Variants in PRDM5 observed in about 807,000 individuals in gnomAD.
The protein encoded by PRDM5 is PR/SET domain 5.
In PRDM5, 56 loss-of-function variants were observed where a neutral mutation model predicts 81.2. The observed-to-expected ratio is 0.69, with a 90% CI of 0.56 to 0.86. PRDM5 has a LOEUF of 0.86. Among genes scored for constraint, PRDM5 ranks in the 40% least tolerant of loss-of-function variants. PRDM5 has a pLI of 0.00. For synonymous variants in PRDM5, 267 were observed against 256.4 expected (o/e 1.04, Z -0.39); for missense variants, 697 against 770.1 (o/e 0.91, Z 1.12).
At chr4:120,688,677 T>C (rs994639276), downstream of PRDM5, among the ~76,000 whole-genome samples, 4 of 152,322 alleles carry the variant, frequency 2.6e-5, no homozygotes, top group East Asian at 5.8e-4. Flanking sequence ...CAACTTCTTT[T>C]TTTACATGTG....
At chr4:120,915,369 T>C (rs771339049) in intron 1 of PRDM5, among the ~76,000 whole-genome samples, 28 of 152,156 alleles carry the variant, frequency 1.8e-4, no homozygotes, top group Admixed American at 7.9e-4. Flanking sequence ...AATGAAGGTA[T>C]AGAACTACAG....
intron 14 of PRDM5, among the ~76,000 whole-genome samples, chr4:120,753,335 T>C (rs1744270831): frequency 6.6e-6 from 1 of 152,176 alleles, no homozygotes; most frequent in African/African-American, 2.4e-5. Context: ...ATCTGTCTAA[T>C]CCTTTATGGT....
At chr4:120,729,223 TAG>T (rs1388584398) in intron 14 of PRDM5, among the ~76,000 whole-genome samples, 1 of 152,198 alleles carries the variant, frequency 6.6e-6, no homozygotes, top group Non-Finnish European at 1.5e-5. Context: ...CTGCCTCCAT[TAG>T]AGTAAAAATA....
chr4:120,922,628 G>A lies in PRDM5; in HGVS notation c.-20C>T, dbSNP rs2148732704. ...CAGCATTTTCCCGGGCGCGGCGGCC[G>A]CCGCCTCTCTCAACACCGGCGCTTA... On this transcript the variant is annotated 5_prime_UTR_variant, in exon 1 of 16. Transcript: ENST00000264808. 1.9e-6 allele frequency: 3 copies of A among 1,560,574 alleles called. No homozygotes were observed. Among genetic ancestry groups the A allele is most frequent in the Admixed American group, 1.9e-5 (1 of 51,870 alleles).
At chr4:120,790,255 T>C (rs1578743430) in intron 10 of PRDM5, among the ~76,000 whole-genome samples, 1 of 152,332 alleles carries the variant, frequency 6.6e-6, no homozygotes, top group East Asian at 1.9e-4. Context: ...ACTTAGAGCG[T>C]GCTGAACAAG....
chr4:120,846,144 T>C (rs1758626905), intron 3 of PRDM5, among the ~76,000 whole-genome samples: 1 of 152,234 alleles, frequency 6.6e-6, no homozygotes, highest in South Asian at 2.1e-4. Context: ...GAAGATGCTG[T>C]GAACATTGTT....
intron 1 of PRDM5, 21 bp downstream of exon 1, chr4:120,922,495 G>GGCCGCC: frequency 5.0e-6 from 8 of 1,584,790 alleles, no homozygotes; most frequent in Non-Finnish European, 6.9e-6. Flanking sequence ...GGGGCGCGCA[G>GGCCGCC]GCCGCCGCCG....
intron 2 of PRDM5, among the ~76,000 whole-genome samples, chr4:120,900,859 C>T (rs1384627625): frequency 6.6e-6 from 1 of 151,922 alleles, no homozygotes; most frequent in Admixed American, 6.6e-5. Context: ...ACAGGTAATG[C>T]CCATACACAA....
intron 13 of PRDM5, among the ~76,000 whole-genome samples, chr4:120,770,296 T>TGA (rs1295789836): frequency 6.6e-6 from 1 of 152,178 alleles, no homozygotes; most frequent in Non-Finnish European, 1.5e-5. Flanking sequence ...CCCAAAGTGC[T>TGA]GAGATTACAG....
At chr4:120,835,696 T>C (rs1757275478) in intron 3 of PRDM5, among the ~76,000 whole-genome samples, 1 of 152,194 alleles carries the variant, frequency 6.6e-6, no homozygotes, top group African/African-American at 2.4e-5. Context: ...GTAAGTCAAC[T>C]AAACCTCTTT....
chr4:120,871,664 T>C (rs987231799), intron 2 of PRDM5, among the ~76,000 whole-genome samples: 4 of 152,150 alleles, frequency 2.6e-5, no homozygotes, highest in Non-Finnish European at 5.9e-5. Context: ...AATTTCATCA[T>C]ATATGCATTT....
chr4:120,805,786 T>G (rs1399473264), intron 8 of PRDM5, among the ~76,000 whole-genome samples: 2 of 152,136 alleles, frequency 1.3e-5, no homozygotes, highest in African/African-American at 4.8e-5. Flanking sequence ...CTTTGTAAAT[T>G]GGCATAAGAC....
At chr4:120,695,368 A>G (rs1734410487) in intron 15 of PRDM5, 93 bp from the exon 16 acceptor site, 2 of 1,368,798 alleles carry the variant, frequency 1.5e-6, no homozygotes, top group Non-Finnish European at 2.0e-6. Context: ...AAGAAAATTA[A>G]TAAGTTACTG....
rs557612945 is a variant in PRDM5, at chr4:120,805,079, G to A, written c.946-5334C>T. On this transcript the variant is annotated intron_variant, in intron 8 of 15. Transcript: ENST00000264808. Reference sequence around the variant, plus strand: ...CAGATAATACTATCAACGCCTCTACGCAAATAAACTAGAAAATCTAGAAGA... The same window carrying A: ...CAGATAATACTATCAACGCCTCTACACAAATAAACTAGAAAATCTAGAAGA... Among the ~76,000 whole-genome samples the A allele has an allele frequency of 1.2e-4, 18 of 152,220 alleles. No homozygotes were observed. In the East Asian group the frequency reaches 2.7e-3, roughly 23 times the overall value.
At chr4:120,765,980 G>A (rs1746327718) in intron 13 of PRDM5, among the ~76,000 whole-genome samples, 2 of 122,908 alleles carry the variant, frequency 1.6e-5, no homozygotes, top group South Asian at 5.1e-4. Flanking sequence ...TTTTTTTTTA[G>A]ACAGAGTTTC....
intron 3 of PRDM5, among the ~76,000 whole-genome samples, chr4:120,847,569 C>A (rs1028030080): frequency 6.6e-6 from 1 of 152,160 alleles, no homozygotes; most frequent in Non-Finnish European, 1.5e-5. Flanking sequence ...AACCAGAACC[C>A]CAGAACCACT....
chr4:120,777,421 A>G (rs1223505999), intron 12 of PRDM5, 140 bp from the exon 13 acceptor site: 1 of 1,459,396 alleles, frequency 6.9e-7, no homozygotes, highest in Non-Finnish European at 9.2e-7. Context: ...TGAGATTTTA[A>G]ACAATTTATG....
intron 12 of PRDM5, among the ~76,000 whole-genome samples, chr4:120,777,556 T>A (rs1430821916): frequency 6.6e-6 from 1 of 152,154 alleles, no homozygotes; most frequent in Non-Finnish European, 1.5e-5. Context: ...GATTAAATTA[T>A]ACAAACCAGT....
chr4:120,686,700 T>A (rs1733845466), intron 1 of PRDM5, among the ~76,000 whole-genome samples: 1 of 152,050 alleles, frequency 6.6e-6, no homozygotes, highest in South Asian at 2.1e-4. Context: ...AACACTCATC[T>A]CAAATTCAAA....
Sources: allele counts gnomAD v4.1 joint callset (sites outside exome capture counted in the v4.1 genomes callset), GRCh38; gene constraint gnomAD v4.1.1; transcripts MANE v1.5; gene names NCBI Gene and HGNC (gene_info 2026-07-23, HGNC 2026-07-21).